Variants in ROBO1 observed in about 807,000 individuals in gnomAD.
ROBO1 encodes roundabout homolog 1.
In ROBO1, 149 loss-of-function variants were observed where a neutral mutation model predicts 195.9. The observed-to-expected ratio is 0.76, with a 90% CI of 0.67 to 0.87. The LOEUF (loss-of-function observed/expected upper bound fraction) is 0.87. Ranked by LOEUF, ROBO1 falls within the 40% of genes least tolerant of loss-of-function variation. ROBO1 has a pLI of 0.00. For synonymous variants in ROBO1, 816 were observed against 733.2 expected, an observed-to-expected ratio of 1.11 and a Z score of -1.82; for missense variants, 1,933 against 2,068.3, an observed-to-expected ratio of 0.93 and a Z score of 1.27.
chr3:79,474,003 TAAGTA>T (rs1367100313), intron 2 of ROBO1, among the ~76,000 whole-genome samples: 2 of 152,130 alleles, frequency 1.3e-5, no homozygotes, highest in Non-Finnish European at 2.9e-5. Context: ...GTTAAATAGT[TAAGTA>T]TTTTTATTTT....
chr3:78,947,168 C>A (rs1307426470), intron 3 of ROBO1, among the ~76,000 whole-genome samples: 1 of 152,098 alleles, frequency 6.6e-6, no homozygotes, highest in Admixed American at 6.5e-5. Context: ...CTGCACCAAG[C>A]GGACCTAATA....
At chr3:79,289,554 C>T (rs2032105487) in intron 2 of ROBO1, among the ~76,000 whole-genome samples, 1 of 152,124 alleles carries the variant, frequency 6.6e-6, no homozygotes, top group South Asian at 2.1e-4. Flanking sequence ...GTTGTAGCTC[C>T]TTCCACCTAG....
intron 3 of ROBO1, among the ~76,000 whole-genome samples, chr3:78,982,936 CA>C (rs1470141210): frequency 1.3e-5 from 2 of 151,528 alleles, no homozygotes; most frequent in East Asian, 3.9e-4. Flanking sequence ...TTTTTTGAGA[CA>C]AAGTATCACT....
intron 29 of ROBO1, among the ~76,000 whole-genome samples, chr3:78,604,911 T>C (rs1474920010): frequency 6.6e-6 from 1 of 152,208 alleles, no homozygotes; most frequent in African/African-American, 2.4e-5. Flanking sequence ...ACATGGTTTC[T>C]TCTCTTTAGT....
chr3:78,777,342 G>A (rs762874555), intron 4 of ROBO1, among the ~76,000 whole-genome samples: 2 of 152,146 alleles, frequency 1.3e-5, no homozygotes, highest in South Asian at 2.1e-4. Context: ...ATTTAAAGAC[G>A]ATTTTGAAAC....
intron 4 of ROBO1, among the ~76,000 whole-genome samples, chr3:78,822,454 T>C (rs2031100950): frequency 6.6e-6 from 1 of 152,118 alleles, no homozygotes; most frequent in African/African-American, 2.4e-5. Context: ...GAAAGACAAA[T>C]ATTGAAGATA....
At chr3:79,717,235 G>T (rs1447578662) in intron 1 of ROBO1, among the ~76,000 whole-genome samples, 2 of 151,486 alleles carry the variant, frequency 1.3e-5, no homozygotes, top group Non-Finnish European at 2.9e-5. Context: ...TTAGAGCTCA[G>T]AATAGTTAGA....
intron 2 of ROBO1, among the ~76,000 whole-genome samples, chr3:79,417,514 T>C (rs984279047): frequency 2.6e-5 from 4 of 152,142 alleles, no homozygotes; most frequent in African/African-American, 9.7e-5. Flanking sequence ...AATAGATATT[T>C]GTTGTTTAAA....
chr3:79,118,472 A>T (rs1435018323), intron 3 of ROBO1, among the ~76,000 whole-genome samples: 1 of 152,076 alleles, frequency 6.6e-6, no homozygotes, highest in Non-Finnish European at 1.5e-5. Flanking sequence ...TACCTTATGG[A>T]TGTTGGCATA....
chr3:79,662,973 T>C (rs1049093121), intron 1 of ROBO1, among the ~76,000 whole-genome samples: 3 of 152,064 alleles, frequency 2.0e-5, no homozygotes, highest in African/African-American at 7.2e-5. Context: ...TGGTATTTAT[T>C]ATTGACTGCT....
chr3:79,503,695 T>C (rs1020736061), intron 2 of ROBO1, among the ~76,000 whole-genome samples: 2 of 152,192 alleles, frequency 1.3e-5, no homozygotes, highest in Admixed American at 6.5e-5. Context: ...CTGTTTAGAC[T>C]TCATAATTGT....
At chr3:78,923,955 T>C (rs997320026) in intron 4 of ROBO1, among the ~76,000 whole-genome samples, 28 of 151,992 alleles carry the variant, frequency 1.8e-4, no homozygotes, top group African/African-American at 6.8e-4. Context: ...ATTATTGAAT[T>C]ATGACCTGAA....
chr3:79,582,332 C>T (rs371914364), intron 2 of ROBO1, among the ~76,000 whole-genome samples: 1 of 151,504 alleles, frequency 6.6e-6, no homozygotes, highest in Non-Finnish European at 1.5e-5. Flanking sequence ...TTTTTAGCTC[C>T]CCCTTACTCT....
intron 3 of ROBO1, among the ~76,000 whole-genome samples, chr3:79,106,975 A>C (rs922260962): frequency 2.6e-5 from 4 of 151,692 alleles, no homozygotes; most frequent in Non-Finnish European, 3.0e-5. Context: ...AGCTAATCCA[A>C]TAATCTGAAG....
At chr3:79,015,015 T>G (rs2108235649) in intron 3 of ROBO1, among the ~76,000 whole-genome samples, 1 of 152,280 alleles carries the variant, frequency 6.6e-6, no homozygotes, top group East Asian at 1.9e-4. Context: ...AGTCTGAAAT[T>G]TAGCATTCTG....
intron 2 of ROBO1, among the ~76,000 whole-genome samples, chr3:79,374,228 C>T (rs2036303209): frequency 6.6e-6 from 1 of 152,048 alleles, no homozygotes; most frequent in South Asian, 2.1e-4. Context: ...ATAACAGTTT[C>T]AAATATATTA....
At chr3:79,246,931 A>C (rs1465970248) in intron 2 of ROBO1, among the ~76,000 whole-genome samples, 1 of 151,984 alleles carries the variant, frequency 6.6e-6, no homozygotes, top group African/African-American at 2.4e-5. Flanking sequence ...AAGGGTAAAG[A>C]TGACAGAGTT....
intron 3 of ROBO1, among the ~76,000 whole-genome samples, chr3:79,100,708 G>T (rs1276771108): frequency 6.6e-6 from 1 of 151,802 alleles, no homozygotes; most frequent in Non-Finnish European, 1.5e-5. Flanking sequence ...TCAGGGGATT[G>T]TGGGCTTTTG....
At chr3:79,457,740 T>C (rs536153271) in intron 2 of ROBO1, among the ~76,000 whole-genome samples, 1 of 152,270 alleles carries the variant, frequency 6.6e-6, no homozygotes, top group East Asian at 1.9e-4. Context: ...ACGTGAGACA[T>C]GACTTTGTTC....
Sources: allele counts gnomAD v4.1 joint callset (sites outside exome capture counted in the v4.1 genomes callset), GRCh38; gene constraint gnomAD v4.1.1; transcripts MANE v1.5; gene names NCBI Gene and HGNC (gene_info 2026-07-23, HGNC 2026-07-21).